The following ACSS1 variants were observed in gnomAD, a reference collection of about 807,000 sequenced individuals.
ACSS1 encodes the protein acyl-CoA synthetase short chain family member 1.
Under a neutral mutation model 75.3 loss-of-function variants are expected in ACSS1, and 42 were observed. That is an observed-to-expected ratio of 0.56 (90% CI 0.44 to 0.72). The LOEUF (loss-of-function observed/expected upper bound fraction) is 0.72, where lower values mean the gene tolerates loss of function less well. ACSS1 is among the 30% of genes least tolerant of loss of function. The probability of loss-of-function intolerance (pLI) is 0.00; values close to 1 mark genes in which losing one functional copy is unlikely to be tolerated. For synonymous variants in ACSS1, 380 were observed against 376.8 expected (o/e 1.01, Z -0.10); for missense variants, 782 against 935.7 (o/e 0.84, Z 2.14).
intron 5 of ACSS1, 28 bp downstream of exon 5, chr20:25,022,912 G>T (rs761355655): frequency 1.9e-6 from 3 of 1,581,348 alleles, no homozygotes; most frequent in Admixed American, 1.8e-5. Flanking sequence ...CCTGCCAAGG[G>T]CCCAGCACCG....
chr20:25,045,979 G>A (rs2089081620), intron 2 of ACSS1: 1 of 152,110 alleles, frequency 6.6e-6, no homozygotes, highest in Admixed American at 6.5e-5. Flanking sequence ...AGGATGGAGT[G>A]CAGTGGCACA....
Position 25,057,981 on chromosome 20 carries a change from G to T in ACSS1, c.122C>A (p.Pro41His). 2 of 1,556,194 alleles carry T rather than the reference G, an allele frequency of 1.3e-6. No homozygotes were observed. Among genetic ancestry groups the T allele is most frequent in the African/African-American group, 1.4e-5 (1 of 72,824 alleles). Residue 41 changes from proline (P) to histidine (H), a missense_variant, in exon 1 of 14, where the codon CCC becomes CAC. This residue lies in a region of ACSS1 where 377 missense variants were observed against 383.1 expected (regional missense o/e 0.98). Coordinates refer to ENST00000323482, the MANE Select transcript of ACSS1 (RefSeq NM_032501.4). Reference sequence around the variant, plus strand: ...TGCAACTGCGGGAGCGCTGCCCGAGGGTCCCGAGGCCGCCCTGCGCGGCGC... The same window carrying T: ...TGCAACTGCGGGAGCGCTGCCCGAGTGTCCCGAGGCCGCCCTGCGCGGCGC... The part of the protein sequence containing the change: ...VSAPRRAASG[P>H]SGSAPAVAAA...
intron 2 of ACSS1, among the ~76,000 whole-genome samples, chr20:25,037,318 C>T (rs192432831): frequency 6.6e-6 from 1 of 152,302 alleles, no homozygotes; most frequent in Non-Finnish European, 1.5e-5. Flanking sequence ...ACCCTGCAGA[C>T]ACCCTGTGTC....
At chr20:25,018,682 G>C (rs773537104) in intron 7 of ACSS1, among the ~76,000 whole-genome samples, 3 of 152,186 alleles carry the variant, frequency 2.0e-5, no homozygotes, top group South Asian at 2.1e-4. Flanking sequence ...TCAAAGGACT[G>C]ATGTGAAGAT....
intron 4 of ACSS1, 57 bp from the exon 5 acceptor site, chr20:25,023,149 G>A: frequency 1.3e-6 from 2 of 1,563,934 alleles, no homozygotes; most frequent in Non-Finnish European, 8.7e-7. Flanking sequence ...TCTGAGAGCA[G>A]CACTCCCCCT....
intron 12 of ACSS1, chr20:25,010,030 A>G (rs535709604): frequency 6.5e-6 from 1 of 152,738 alleles, no homozygotes; most frequent in South Asian, 2.1e-4. Context: ...GTACCCTGGC[A>G]TGTTCCAGGA....
At chr20:25,012,179 C>A in intron 12 of ACSS1, 1 of 268,472 alleles carries the variant, frequency 3.7e-6, no homozygotes, top group Non-Finnish European at 7.3e-6. Flanking sequence ...AGAGCACACT[C>A]TGGCACACAC....
At chr20:25,041,074 C>T (rs564736491) in intron 2 of ACSS1, among the ~76,000 whole-genome samples, 38 of 152,162 alleles carry the variant, frequency 2.5e-4, no homozygotes, top group African/African-American at 4.6e-4. Flanking sequence ...CTGGCTAACA[C>T]GGTGAAACCC....
At chr20:25,011,843 G>C (rs994644057) in intron 12 of ACSS1, 1 of 152,228 alleles carries the variant, frequency 6.6e-6, no homozygotes, top group Non-Finnish European at 1.5e-5. Flanking sequence ...GCCTCCCAGC[G>C]GGAGGGCAAG....
intron 3 of ACSS1, among the ~76,000 whole-genome samples, chr20:25,029,346 A>G (rs2088782975): frequency 6.6e-6 from 1 of 152,224 alleles, no homozygotes; most frequent in Non-Finnish European, 1.5e-5. Flanking sequence ...CATTCTTACT[A>G]TGACGGCTGT....
At chr20:25,037,482 A>G (rs1331999343) in intron 2 of ACSS1, among the ~76,000 whole-genome samples, 1 of 152,222 alleles carries the variant, frequency 6.6e-6, no homozygotes, top group East Asian at 1.9e-4. Context: ...AAGTAAACCC[A>G]GGTAATTGTC....
intron 7 of ACSS1, among the ~76,000 whole-genome samples, chr20:25,018,841 A>G (rs148741851): frequency 1.4e-3 from 213 of 152,318 alleles, no homozygotes; most frequent in Non-Finnish European, 2.1e-3. Flanking sequence ...GATGCCTGCT[A>G]TTCCTCAGGA....
chr20:25,023,652 C>A lies in ACSS1; in HGVS notation c.632-11G>T. 1 of 1,585,556 alleles carries A rather than the reference C, an allele frequency of 6.3e-7. No individual in the cohort carries two copies. Among genetic ancestry groups the A allele is most frequent in the African/African-American group, 1.3e-5 (1 of 74,544 alleles). ...CCACCTTGCACTTGGCTAACAGAGA[C>A]AACACAGACATTTCTGATCAGTCTC... On this transcript the variant is annotated splice_polypyrimidine_tract_variant and intron_variant, in intron 3 of 13. Transcript: ENST00000323482.
intron 3 of ACSS1, 120 bp downstream of exon 3, chr20:25,030,639 T>C: frequency 8.6e-7 from 1 of 1,168,678 alleles, no homozygotes; most frequent in Non-Finnish European, 1.2e-6. Flanking sequence ...GTACGATCTG[T>C]CATTTGTCTG....
chr20:25,047,952 T>A lies in ACSS1; in HGVS notation c.431+133A>T, dbSNP rs183373707. ...TGCTTGCGTTCACATTTACTTTTCC[T>A]GGATAAGAGAGCACTTGCAAAGCCA... On this transcript the variant is annotated intron_variant, in intron 2 of 13. Coordinates refer to ENST00000323482, the MANE Select transcript of ACSS1 (RefSeq NM_032501.4). The A allele has an allele frequency of 3.9e-4, 254 of 657,324 alleles. No homozygotes were observed. In the African/African-American group the frequency reaches 4.0e-3, roughly 10 times the overall value. The allele number at this position is 657,324 out of a possible 1,614,324, so 40.7% of individuals were successfully genotyped here. A position where few individuals can be genotyped will look rare whatever the true frequency, so the allele number is the denominator to read the frequency against.
chr20:25,024,898 CT>C (rs2122653725), intron 3 of ACSS1, among the ~76,000 whole-genome samples: 1 of 152,316 alleles, frequency 6.6e-6, no homozygotes, highest in South Asian at 2.1e-4. Flanking sequence ...GCAGCCACCC[CT>C]GCATCTGGCA....
intron 2 of ACSS1, chr20:25,046,792 T>A (rs1166024175): frequency 1.3e-6 from 1 of 779,596 alleles, no homozygotes; most frequent in Non-Finnish European, 2.4e-6. Context: ...GGGGGGCCGC[T>A]CAGTTGTCCA....
intron 1 of ACSS1, among the ~76,000 whole-genome samples, chr20:25,050,496 A>G (rs1001021446): frequency 6.6e-6 from 1 of 151,990 alleles, no homozygotes; most frequent in African/African-American, 2.4e-5. Flanking sequence ...CCACTCTCAT[A>G]TCTGAAAAGC....
chr20:25,012,724 C>G lies in ACSS1; in HGVS notation c.1708-60G>C, dbSNP rs537314301. The G allele has an allele frequency of 6.4e-5, 104 of 1,613,504 alleles. 1 individual carries two copies. The South Asian group carries it at 1.1e-3, about 16-fold the overall frequency. ...GCGGCCCCGGGTGCTAGAAGTGACT[C>G]GGGCCAGGGACTCCCACCCCAACTT... is the stretch of plus-strand genomic sequence containing the variant. On this transcript the variant is annotated intron_variant, in intron 11 of 13. Coordinates refer to ENST00000323482, the MANE Select transcript of ACSS1 (RefSeq NM_032501.4).
Sources: allele counts gnomAD v4.1 joint callset (sites outside exome capture counted in the v4.1 genomes callset), GRCh38; gene constraint gnomAD v4.1.1; regional missense constraint gnomAD v4.1.1; transcripts MANE v1.5; gene names NCBI Gene and HGNC (gene_info 2026-07-23, HGNC 2026-07-21).